Variants in VPS54 observed in about 807,000 individuals in gnomAD.
VPS54 encodes the protein vacuolar protein sorting-associated protein 54.
VPS54 carries 45 observed loss-of-function variants against 121.5 expected under a neutral mutation model. The observed-to-expected ratio is 0.37, with a 90% CI of 0.29 to 0.47. The LOEUF (loss-of-function observed/expected upper bound fraction) is 0.47. VPS54 is among the 20% of genes least tolerant of loss of function. VPS54 has a pLI of 0.99. For synonymous variants in VPS54, 371 were observed against 385.8 expected (o/e 0.96, Z 0.45); for missense variants, 1,090 against 1,131.4 (o/e 0.96, Z 0.52).
intron 7 of VPS54, among the ~76,000 whole-genome samples, chr2:63,949,869 C>T (rs1355090761): frequency 6.6e-6 from 1 of 152,114 alleles, no homozygotes; most frequent in Admixed American, 6.5e-5. Context: ...TTTCAGTGCC[C>T]ATAGAAGAGT....
At position 63,933,773 on chromosome 2, in the gene VPS54, A is replaced by G. The variant is rs1299733967; in HGVS notation, c.1639T>C (p.Cys547Arg). 2 of 1,613,918 alleles carry G rather than the reference A, an allele frequency of 1.2e-6. No homozygotes were observed. The highest frequency in any genetic ancestry group is 1.7e-6 in the Non-Finnish European group (2 of 1,179,856). Residue 547 changes from cysteine to arginine, a missense_variant, in exon 12 of 23, where the codon TGC becomes CGC. By Grantham distance (180) the Cys-to-Arg change is radical. Transcript: ENST00000272322. ...GGCTCGGATACAGAATCACTGCTGCAGGGCTCACTATTTGGAGATGCATTT... is the reference window on the plus strand; with the variant it reads ...GGCTCGGATACAGAATCACTGCTGCGGGGCTCACTATTTGGAGATGCATTT... Reference protein sequence around the residue: ...QRNASPNSEPCSSDSVSEPEC... With the variant: ...QRNASPNSEPRSSDSVSEPEC...
intron 4 of VPS54, among the ~76,000 whole-genome samples, chr2:63,971,811 T>G (rs750348741): frequency 6.6e-6 from 1 of 152,184 alleles, no homozygotes; most frequent in Non-Finnish European, 1.5e-5. Context: ...AGGGTATCAC[T>G]ACGTTACTGT....
chr2:63,936,894 G>A (rs1378997261), intron 11 of VPS54, among the ~76,000 whole-genome samples: 2 of 152,116 alleles, frequency 1.3e-5, no homozygotes, highest in African/African-American at 4.8e-5. Flanking sequence ...ACCATTCAAT[G>A]CAGAAAGGTC....
At chr2:63,985,142 A>T (rs1029316873) in intron 1 of VPS54, among the ~76,000 whole-genome samples, 3 of 152,146 alleles carry the variant, frequency 2.0e-5, no homozygotes, top group Non-Finnish European at 4.4e-5. Flanking sequence ...CGACATGATG[A>T]AACCTCGTAT....
chr2:63,945,725 C>T (rs558737757), intron 9 of VPS54, among the ~76,000 whole-genome samples: 1 of 152,060 alleles, frequency 6.6e-6, no homozygotes, highest in Non-Finnish European at 1.5e-5. Context: ...CAAAATCCTA[C>T]ACCAGAAAAG....
At chr2:63,924,736 A>T (rs1673816049) in intron 12 of VPS54, among the ~76,000 whole-genome samples, 1 of 152,198 alleles carries the variant, frequency 6.6e-6, no homozygotes, top group South Asian at 2.1e-4. Flanking sequence ...TAAAGACAGA[A>T]AAATGAACGA....
chr2:63,917,440 A>G (rs888265696), intron 15 of VPS54, among the ~76,000 whole-genome samples: 7 of 152,056 alleles, frequency 4.6e-5, no homozygotes, highest in Non-Finnish European at 1.0e-4. Flanking sequence ...AATTTGATGG[A>G]AAGATTATAT....
intron 2 of VPS54, 84 bp downstream of exon 2, chr2:63,983,780 T>C: frequency 5.5e-6 from 8 of 1,465,336 alleles, no homozygotes; most frequent in Admixed American, 2.2e-5. Context: ...TTTACTCTTC[T>C]AACGTTGGTA....
rs375323088 is a variant in VPS54, at chr2:63,965,972, A to T, written c.493-6T>A. ...AAATCTGGTTTCATAAAAATCTATT[A>T]AAAAAATGCATTTCCCTCAATTAGA... On this transcript the variant is annotated splice_region_variant and splice_polypyrimidine_tract_variant and intron_variant, in intron 5 of 22. Transcript: ENST00000272322. The T allele has an allele frequency of 2.9e-5, 47 of 1,601,112 alleles. No individual in the cohort carries two copies. Among genetic ancestry groups the T allele is most frequent in the African/African-American group, 1.4e-5 (1 of 74,000 alleles).
intron 20 of VPS54, among the ~76,000 whole-genome samples, chr2:63,903,211 G>A (rs1025132119): frequency 2.0e-5 from 3 of 152,170 alleles, no homozygotes; most frequent in African/African-American, 7.2e-5. Context: ...ATATTTTGAA[G>A]GCAAATAGAG....
chr2:63,951,789 T>C (rs1207151669), intron 7 of VPS54, among the ~76,000 whole-genome samples: 1 of 152,172 alleles, frequency 6.6e-6, no homozygotes, highest in African/African-American at 2.4e-5. Context: ...CAAAAACTTT[T>C]CCAATATATT....
At chr2:63,992,237 C>T (rs1167111757) in intron 1 of VPS54, among the ~76,000 whole-genome samples, 5 of 152,162 alleles carry the variant, frequency 3.3e-5, no homozygotes, top group Admixed American at 2.0e-4. Flanking sequence ...GCGAAAAGGC[C>T]GCTTATTGGA....
At chr2:63,912,277 G>A in intron 20 of VPS54, 68 bp downstream of exon 20, 6 of 1,249,606 alleles carry the variant, frequency 4.8e-6, no homozygotes, top group Middle Eastern at 5.3e-4. Context: ...AATTTATAAA[G>A]TACTCCTTAT....
At chr2:63,910,684 G>A (rs546072721) in intron 20 of VPS54, among the ~76,000 whole-genome samples, 7 of 152,102 alleles carry the variant, frequency 4.6e-5, no homozygotes, top group African/African-American at 1.7e-4. Flanking sequence ...TGTTAATAAC[G>A]AATATAGGTC....
At chr2:63,941,081 G>A (rs1674707989) in intron 11 of VPS54, among the ~76,000 whole-genome samples, 1 of 152,158 alleles carries the variant, frequency 6.6e-6, no homozygotes, top group South Asian at 2.1e-4. Context: ...TATTTAACAT[G>A]GTACTCAGGA....
intron 2 of VPS54, among the ~76,000 whole-genome samples, chr2:63,983,417 G>T (rs186195796): frequency 6.7e-6 from 1 of 149,242 alleles, no homozygotes; most frequent in South Asian, 2.1e-4. Flanking sequence ...GATTACAGGC[G>T]TGAGCCACCA....
At chr2:63,983,591 T>C (rs961807859) in intron 2 of VPS54, among the ~76,000 whole-genome samples, 6 of 151,226 alleles carry the variant, frequency 4.0e-5, no homozygotes, top group African/African-American at 1.5e-4. Context: ...TACAGGCGCC[T>C]GCCACCACAC....
chr2:63,952,151 C>A (rs918949012), intron 7 of VPS54, among the ~76,000 whole-genome samples: 2 of 152,122 alleles, frequency 1.3e-5, no homozygotes, highest in African/African-American at 2.4e-5. Flanking sequence ...TGTGCAACAT[C>A]GCTTAAGTCA....
intron 6 of VPS54, among the ~76,000 whole-genome samples, chr2:63,963,122 C>T (rs749018695): frequency 7.2e-5 from 11 of 151,952 alleles, no homozygotes; most frequent in Non-Finnish European, 1.3e-4. Flanking sequence ...AGATAAGGTA[C>T]TAAAATTCAT....
Sources: gnomAD v4.1 joint callset for allele counts (sites outside exome capture counted in the v4.1 genomes callset) on GRCh38, gnomAD v4.1.1 for gene constraint, MANE v1.5 for transcripts, NCBI Gene and HGNC (gene_info 2026-07-23, HGNC 2026-07-21) for gene names.